The following GALNTL6 variants were observed in gnomAD, a reference collection of about 807,000 sequenced individuals.
GALNTL6 encodes the protein polypeptide N-acetylgalactosaminyltransferase like 6.
GALNTL6 carries 46 observed loss-of-function variants against 73.7 expected under a neutral mutation model. That is an observed-to-expected ratio of 0.62 (90% CI 0.49 to 0.80). The LOEUF (loss-of-function observed/expected upper bound fraction) is 0.80, where lower values mean the gene tolerates loss of function less well. GALNTL6 is among the 30% of genes least tolerant of loss of function. The pLI is 0.00. For missense variants in GALNTL6, 604 were observed against 755.0 expected, an observed-to-expected ratio of 0.80 and a Z score of 2.34; for synonymous variants, 259 against 263.7, an observed-to-expected ratio of 0.98 and a Z score of 0.17.
At chr4:172,484,240 G>C (rs1056767877) in intron 5 of GALNTL6, among the ~76,000 whole-genome samples, 2 of 152,228 alleles carry the variant, frequency 1.3e-5, no homozygotes, top group South Asian at 2.1e-4. Context: ...GTCTGTATTA[G>C]ATCCACAAAT....
intron 4 of GALNTL6, among the ~76,000 whole-genome samples, chr4:172,334,410 C>T (rs1282808893): frequency 6.6e-6 from 1 of 152,052 alleles, no homozygotes; most frequent in African/African-American, 2.4e-5. Flanking sequence ...TTTGTTTTAT[C>T]TTCAGTTTAT....
rs113854492 is a variant in GALNTL6, at chr4:172,862,676, G to A, written c.924-20114G>A. On this transcript the variant is annotated intron_variant, in intron 7 of 12. Transcript: ENST00000506823. The stretch of plus-strand genomic sequence containing the variant: ...CATCACAGTACTGCACTCCAGCCTG[G>A]GTGACAGAGTGAGACTTCATCTCAA... 5.2e-3 allele frequency among the ~76,000 whole-genome samples: 787 copies of A among 151,926 alleles called. 4 individuals are homozygous for A. The highest frequency in any genetic ancestry group is 8.8e-3 in the Non-Finnish European group (596 of 67,968).
chr4:172,006,002 A>G (rs17057867), intron 2 of GALNTL6, among the ~76,000 whole-genome samples: 11,297 of 152,224 alleles, frequency 0.074, 1,203 homozygotes, highest in African/African-American at 0.24. Flanking sequence ...ACTTTCTAGT[A>G]TCAGATCTTA....
chr4:172,290,391 A>C (rs1010641767), intron 3 of GALNTL6, among the ~76,000 whole-genome samples: 46 of 152,296 alleles, frequency 3.0e-4, no homozygotes, highest in African/African-American at 9.1e-4. Context: ...AACCCTTTGT[A>C]CTTAAATCTA....
At chr4:171,967,033 G>C (rs1739404597) in intron 2 of GALNTL6, among the ~76,000 whole-genome samples, 1 of 152,126 alleles carries the variant, frequency 6.6e-6, no homozygotes, top group Non-Finnish European at 1.5e-5. Flanking sequence ...TAGCAGTTTT[G>C]AAAGAAAGCT....
chr4:171,998,252 G>T (rs1477568020), intron 2 of GALNTL6, among the ~76,000 whole-genome samples: 2 of 152,238 alleles, frequency 1.3e-5, no homozygotes, highest in Non-Finnish European at 2.9e-5. Flanking sequence ...CCAACAGAAT[G>T]TGTTTACATA....
chr4:172,205,971 C>T (rs1560968733), intron 2 of GALNTL6, among the ~76,000 whole-genome samples: 1 of 152,232 alleles, frequency 6.6e-6, no homozygotes, highest in East Asian at 1.9e-4. Flanking sequence ...TTTGTTTTCC[C>T]ACTACCTACT....
At chr4:172,388,195 T>C (rs2111297167) in intron 5 of GALNTL6, among the ~76,000 whole-genome samples, 1 of 152,268 alleles carries the variant, frequency 6.6e-6, no homozygotes. Flanking sequence ...CCAGAGCTCA[T>C]GAGCTCAGCC....
At chr4:172,702,825 G>GTT (rs71592092) in intron 5 of GALNTL6, among the ~76,000 whole-genome samples, 18 of 151,422 alleles carry the variant, frequency 1.2e-4, no homozygotes, top group African/African-American at 3.1e-4. Flanking sequence ...ACACTTTATA[G>GTT]TTTTTTTTGT....
intron 2 of GALNTL6, among the ~76,000 whole-genome samples, chr4:171,881,670 A>G (rs1266256582): frequency 6.6e-6 from 1 of 152,150 alleles, no homozygotes; most frequent in East Asian, 1.9e-4. Context: ...TGCTTAAGGG[A>G]TTTAGGGAAT....
At chr4:172,291,947 C>A (rs1235481659) in intron 3 of GALNTL6, among the ~76,000 whole-genome samples, 1 of 152,096 alleles carries the variant, frequency 6.6e-6, no homozygotes, top group African/African-American at 2.4e-5. Context: ...GATTTCTAAA[C>A]CTGTCATTGC....
intron 5 of GALNTL6, among the ~76,000 whole-genome samples, chr4:172,773,530 TC>T (rs1250016850): frequency 1.3e-5 from 2 of 152,086 alleles, no homozygotes; most frequent in African/African-American, 4.8e-5. Flanking sequence ...AGGGCATTTA[TC>T]ATGGTACTGT....
chr4:172,258,006 A>G (rs554648441), intron 3 of GALNTL6, among the ~76,000 whole-genome samples: 160 of 151,458 alleles, frequency 1.1e-3, no homozygotes, highest in Non-Finnish European at 1.6e-3. Context: ...CGTGTGTAAC[A>G]TTCTCAGTAT....
intron 7 of GALNTL6, among the ~76,000 whole-genome samples, chr4:172,849,542 T>A (rs2111105601): frequency 6.6e-6 from 1 of 152,252 alleles, no homozygotes; most frequent in East Asian, 1.9e-4. Flanking sequence ...ATGAATGGCA[T>A]CCATTTACCT....
chr4:172,618,394 C>G (rs115377658), intron 5 of GALNTL6, among the ~76,000 whole-genome samples: 3 of 152,096 alleles, frequency 2.0e-5, no homozygotes, highest in Admixed American at 1.3e-4. Context: ...AGAGTGCTTC[C>G]GTAAAAACAT....
intron 5 of GALNTL6, among the ~76,000 whole-genome samples, chr4:172,712,867 T>C (rs541736032): frequency 1.3e-5 from 2 of 152,312 alleles, no homozygotes; most frequent in African/African-American, 4.8e-5. Flanking sequence ...AACATAGATT[T>C]TGAGGCTGAA....
chr4:172,102,442 C>A (rs770810221), intron 2 of GALNTL6, among the ~76,000 whole-genome samples: 1 of 152,150 alleles, frequency 6.6e-6, no homozygotes, highest in Non-Finnish European at 1.5e-5. Flanking sequence ...AAAGAAATTA[C>A]TCTGATGTTA....
At chr4:173,016,576 T>G (rs557053953) in intron 11 of GALNTL6, among the ~76,000 whole-genome samples, 1 of 152,326 alleles carries the variant, frequency 6.6e-6, no homozygotes, top group South Asian at 2.1e-4. Context: ...AGTCCCTATG[T>G]TTTGGCCAAT....
chr4:172,621,930 T>C (rs191555649), intron 5 of GALNTL6, among the ~76,000 whole-genome samples: 1 of 152,260 alleles, frequency 6.6e-6, no homozygotes, highest in African/African-American at 2.4e-5. Flanking sequence ...GTGTGTCTTC[T>C]TACCAATCTA....
Sources: gnomAD v4.1 joint callset for allele counts (sites outside exome capture counted in the v4.1 genomes callset) on GRCh38, gnomAD v4.1.1 for gene constraint, MANE v1.5 for transcripts, NCBI Gene and HGNC (gene_info 2026-07-23, HGNC 2026-07-21) for gene names.